CHKB: variants seen among roughly 807,000 people sequenced by gnomAD.
CHKB encodes choline kinase beta, also known as choline/ethanolamine kinase.
In CHKB, 45 loss-of-function variants were observed where a neutral mutation model predicts 57.3. The observed-to-expected ratio is 0.79, with a 90% CI of 0.62 to 1.01. The LOEUF is 1.01. CHKB is among the 50% of genes least tolerant of loss of function. CHKB has a pLI of 0.00. For missense variants in CHKB, 517 were observed against 502.8 expected (o/e 1.03, Z -0.27); for synonymous variants, 224 against 201.8 (o/e 1.11, Z -0.93).
chr22:50,581,922 G>C, intron 2 of CHKB, 60 bp from the exon 3 acceptor site: 1 of 1,441,360 alleles, frequency 6.9e-7, no homozygotes. Context: ...ACACATGAGG[G>C]CTCGCCTTCC....
Position 50,579,758 on chromosome 22 carries a change from G to C in CHKB, c.1000C>G (p.Leu334Val), listed in dbSNP as rs757943503. Residue 334 changes from leucine to valine, a missense_variant, in exon 9 of 11, where the codon CTG (leucine) becomes GTG (valine). Physicochemically the swap from Leu to Val is conservative, Grantham distance 32 (BLOSUM62 1). Transcript: ENST00000406938. ...ETLSQEEQRKLEEDLLVEVSR... is the reference protein window; with the variant it reads ...ETLSQEEQRKVEEDLLVEVSR... ...ACTTCTACCAGCAAATCTTCTTCCA[G>C]TTTTCTCTGCTCCTCTTGGGAGAGG... 2 of 1,613,984 alleles carry C rather than the reference G, an allele frequency of 1.2e-6. No homozygotes were observed. Among genetic ancestry groups the C allele is most frequent in the South Asian group, 1.1e-5 (1 of 91,076 alleles).
chr22:50,581,598 A>G (rs1603443748), intron 3 of CHKB, 45 bp from the exon 4 acceptor site: 3 of 1,612,200 alleles, frequency 1.9e-6, no homozygotes, highest in Non-Finnish European at 2.5e-6. Flanking sequence ...CTGGGGCAGG[A>G]GTGGGAAGGG....
rs1375653776 is a variant in CHKB at position 50,582,845 on chromosome 22, C to T, written c.-64G>A. ...CGCTCCCTTCGGACGGGCTCGGTTC[C>T]TTCCGGCCGCGCTCGGCTCCTCTTC... On this transcript the variant is annotated 5_prime_UTR_variant, in exon 1 of 11. Transcript: ENST00000406938. 2.2e-5 allele frequency: 28 copies of T among 1,268,016 alleles called. No homozygotes were observed. Among genetic ancestry groups the T allele is most frequent in the Admixed American group, 1.6e-4 (5 of 32,152 alleles). The allele number at this position is 1,268,016 out of a possible 1,614,324, so 78.5% of individuals were successfully genotyped here.
rs868600295 is a variant in CHKB, at chr22:50,580,637, A to G, written c.605T>C (p.Leu202Pro). 4 of 1,613,986 alleles carry G rather than the reference A, an allele frequency of 2.5e-6. No homozygotes were observed. The African/African-American group carries it at 5.3e-5, about 22-fold the overall frequency. Residue 202 changes from leucine (L) to proline (P), a missense_variant, in exon 5 of 11, where the codon CTG becomes CCG. Transcript: ENST00000406938. Reference sequence around the variant, plus strand: ...CATCTCAGGGAGGCCAGTTGGGGGCAGGTCCTGGATCTGTTTTAGGTACCT... The same window carrying G: ...CATCTCAGGGAGGCCAGTTGGGGGCGGGTCCTGGATCTGTTTTAGGTACCT... ...MERYLKQIQDLPPTGLPEMNL... is the reference protein window; with the variant it reads ...MERYLKQIQDPPPTGLPEMNL...
rs1569053361 is a variant in CHKB, at chr22:50,580,657, G to A, written c.585C>T (p.Tyr195=). ...GGGGCAGGTCCTGGATCTGTTTTAG[G>A]TACCTGAAGCCCAAAGAATAGGATA... The part of the protein sequence containing the change: ...PHWLFGTMER[Y]LKQIQDLPPT... Residue 195 remains tyrosine (Y), a synonymous_variant, in exon 5 of 11, where the codon TAC becomes TAT. Transcript: ENST00000406938. The A allele has an allele frequency of 6.2e-7, 1 of 1,613,778 alleles. No individual in the cohort carries two copies. Among genetic ancestry groups the A allele is most frequent in the Non-Finnish European group, 8.5e-7 (1 of 1,179,986 alleles).
Position 50,580,187 on chromosome 22 carries a change from C to T in CHKB, c.818+3G>A. On this transcript the variant is annotated splice_donor_region_variant and intron_variant, in intron 7 of 10. Transcript: ENST00000406938. Reference sequence around the variant, plus strand: ...CTATGGGAAGCCATCTTTCCAGCCTCACCTATAGTTATAACTGCTGTACTC... The same window carrying T: ...CTATGGGAAGCCATCTTTCCAGCCTTACCTATAGTTATAACTGCTGTACTC... The T allele has an allele frequency of 6.2e-7, 1 of 1,613,816 alleles. No homozygotes were observed. The highest frequency in any genetic ancestry group is 8.5e-7 in the Non-Finnish European group (1 of 1,179,896).
At position 50,579,732 on chromosome 22, in the gene CHKB, G is replaced by T; in HGVS notation, c.1026C>A (p.Val342=). 1 of 1,613,382 alleles carries T rather than the reference G, an allele frequency of 6.2e-7. No homozygotes were observed. The highest frequency in any genetic ancestry group is 1.1e-5 in the South Asian group (1 of 91,062). Reference sequence around the variant, plus strand: ...CCCTGCCCCTCCTTCCTCACCGACTGACTTCTACCAGCAAATCTTCTTCCA... The same window carrying T: ...CCCTGCCCCTCCTTCCTCACCGACTTACTTCTACCAGCAAATCTTCTTCCA... The part of the protein sequence containing the change: ...RKLEEDLLVE[V]SRYALASHFF... The change falls in exon 9 of 11, where the codon GTC becomes GTA. Residue 342 remains valine (V), a synonymous_variant. Coordinates refer to ENST00000406938, the MANE Select transcript of CHKB (RefSeq NM_005198.5).
intron 2 of CHKB, 79 bp from the exon 3 acceptor site, chr22:50,581,941 G>C (rs1340453397): frequency 8.0e-7 from 1 of 1,253,062 alleles, no homozygotes. Flanking sequence ...CCTCCCACCA[G>C]AGCTGCGACT....
At position 50,579,008 on chromosome 22, in the gene CHKB, C is replaced by T; in HGVS notation, c.*173G>A. On this transcript the variant is annotated 3_prime_UTR_variant, in exon 11 of 11. Coordinates refer to ENST00000406938, the MANE Select transcript of CHKB (RefSeq NM_005198.5). ...ATTGTGTTACATACACAGCACGGGGCTCTGGCCTGCCAGCCATGGGGACCT... is the reference window on the plus strand; with the variant it reads ...ATTGTGTTACATACACAGCACGGGGTTCTGGCCTGCCAGCCATGGGGACCT... 1 of 688,820 alleles carries T rather than the reference C, an allele frequency of 1.5e-6. No homozygotes were observed. Among genetic ancestry groups the T allele is most frequent in the Admixed American group, 2.1e-5 (1 of 47,512 alleles). The allele number at this position is 688,820 out of a possible 1,614,324, so 42.7% of individuals were successfully genotyped here. A position where few individuals can be genotyped will look rare whatever the true frequency, so the allele number is the denominator to read the frequency against.
chr22:50,581,621 G>C, intron 3 of CHKB, 68 bp from the exon 4 acceptor site: 3 of 1,604,854 alleles, frequency 1.9e-6, no homozygotes, highest in Non-Finnish European at 8.5e-7. Flanking sequence ...GGGGCAATGA[G>C]GGGAAGTCAG....
rs1239232044 is a variant in CHKB at position 50,581,759 on chromosome 22, T to C, written c.437A>G (p.Gln146Arg). The C allele has an allele frequency of 4.5e-5, 72 of 1,613,668 alleles. No individual in the cohort carries two copies. The highest frequency in any genetic ancestry group is 5.9e-5 in the Non-Finnish European group (70 of 1,179,882). ...YGVFPEGRLE[Q>R]YIPSRPLKTQ... ...GGACTGGGCCCGTACTGGGATGTAC[T>C]GTTCCAGCCGGCCCTCTGGGAAGAC... Residue 146 changes from glutamine to arginine, a missense_variant, in exon 3 of 11, where the codon CAG becomes CGG. Gln to Arg is a conservative substitution (Grantham distance 43, BLOSUM62 1). Coordinates refer to ENST00000406938, the MANE Select transcript of CHKB (RefSeq NM_005198.5).
At chr22:50,582,144 G>A in intron 2 of CHKB, 105 bp downstream of exon 2, 1 of 1,066,136 alleles carries the variant, frequency 9.4e-7, no homozygotes, top group East Asian at 2.6e-5. Flanking sequence ...TACTCAGACC[G>A]TGAACCTCGG....
At position 50,582,801 on chromosome 22, in the gene CHKB, C is replaced by CAGG; in HGVS notation, c.-21_-20insCCT. 1 of 1,546,152 alleles carries CAGG rather than the reference C, an allele frequency of 6.5e-7. No individual in the cohort carries two copies. The highest frequency in any genetic ancestry group is 8.7e-7 in the Non-Finnish European group (1 of 1,147,868). ...CGCCATGGCGCGGGCTCGACCGGGC[C>CAGG]CCAGGCCAGGCTGCGCTCCGCTCCC... is the stretch of plus-strand genomic sequence containing the variant. On this transcript the variant is annotated 5_prime_UTR_variant, in exon 1 of 11. Transcript: ENST00000406938.
chr22:50,581,354 G>T, intron 4 of CHKB, 66 bp downstream of exon 4: 3 of 1,598,268 alleles, frequency 1.9e-6, no homozygotes, highest in South Asian at 2.2e-5. Flanking sequence ...TAGAGCCCCC[G>T]ACACATCCGC....
chr22:50,582,380 C>T, intron 1 of CHKB, 23 bp from the exon 2 acceptor site: 1 of 1,533,684 alleles, frequency 6.5e-7, no homozygotes, highest in Non-Finnish European at 8.8e-7. Context: ...ACCAGGCGCG[C>T]TCAGCCCGCG....
intron 4 of CHKB, 120 bp from the exon 5 acceptor site, chr22:50,580,780 C>A: frequency 1.1e-6 from 1 of 913,932 alleles, no homozygotes; most frequent in South Asian, 1.4e-5. Flanking sequence ...GTCCGGCAAT[C>A]ATTTCTTTTT....
rs561575991 is a variant in CHKB, at chr22:50,579,004, G to C, written c.*177C>G. 4.4e-6 allele frequency: 3 copies of C among 680,400 alleles called. No individual in the cohort carries two copies. Among genetic ancestry groups the C allele is most frequent in the African/African-American group, 3.5e-5 (2 of 56,442 alleles). The allele number at this position is 680,400 out of a possible 1,614,324, so 42.1% of individuals were successfully genotyped here. On this transcript the variant is annotated 3_prime_UTR_variant, in exon 11 of 11. Coordinates refer to ENST00000406938, the MANE Select transcript of CHKB (RefSeq NM_005198.5). ...GTTTATTGTGTTACATACACAGCAC[G>C]GGGCTCTGGCCTGCCAGCCATGGGG...
In CHKB at chr22:50,580,390, G is replaced by A. The variant is rs199847760; in HGVS notation, c.704C>T (p.Pro235Leu). 4.3e-6 allele frequency: 7 copies of A among 1,613,930 alleles called. No individual in the cohort carries two copies. Among genetic ancestry groups the A allele is most frequent in the Non-Finnish European group, 5.9e-6 (7 of 1,180,040 alleles). Reference protein sequence around the residue: ...LRKLLESTPSPVVFCHNDIQE... With the variant: ...LRKLLESTPSLVVFCHNDIQE... ...GATGTCATTGTGGCAGAAGACGACTGGCGATGGGGTAGACTCTAGTAACTT... is the reference window on the plus strand; with the variant it reads ...GATGTCATTGTGGCAGAAGACGACTAGCGATGGGGTAGACTCTAGTAACTT... The change falls in exon 6 of 11, where the codon CCA (proline) becomes CTA (leucine). Residue 235 changes from proline to leucine, a missense_variant. Transcript: ENST00000406938.
chr22:50,581,889 C>A, intron 2 of CHKB, 27 bp from the exon 3 acceptor site: 1 of 1,604,336 alleles, frequency 6.2e-7, no homozygotes, highest in Non-Finnish European at 8.5e-7. Context: ...AGCAAAGGGG[C>A]CAAGGCAAAG....
Sources: gnomAD v4.1 joint callset for allele counts on GRCh38, gnomAD v4.1.1 for gene constraint, MANE v1.5 for transcripts, NCBI Gene and HGNC (gene_info 2026-07-23, HGNC 2026-07-21) for gene names.